Variants in MBD5 observed in about 807,000 individuals in gnomAD.
MBD5 encodes methyl-CpG-binding domain protein 5.
A neutral mutation model predicts 117.3 loss-of-function variants in MBD5; 13 were observed. The ratio of observed to expected loss-of-function variants is 0.11; its 90% CI spans 0.07 to 0.18. The LOEUF is 0.18. MBD5 is among the 10% of genes least tolerant of loss of function. The pLI, the probability that MBD5 is intolerant of heterozygous loss-of-function variation, is 1.00. For synonymous variants in MBD5, 727 were observed against 766.4 expected, an observed-to-expected ratio of 0.95 and a Z score of 0.85; for missense variants, 1,879 against 2,093.8, an observed-to-expected ratio of 0.90 and a Z score of 2.00.
intron 2 of MBD5, among the ~76,000 whole-genome samples, chr2:148,218,541 G>A (rs936294470): frequency 1.3e-5 from 2 of 152,142 alleles, no homozygotes; most frequent in African/African-American, 4.8e-5. Flanking sequence ...GTCATGCATC[G>A]CTTAATGACA....
intron 3 of MBD5, among the ~76,000 whole-genome samples, chr2:148,301,899 T>C (rs925403082): frequency 1.3e-5 from 2 of 152,186 alleles, no homozygotes; most frequent in East Asian, 3.8e-4. Flanking sequence ...TGATCACCAG[T>C]TTCAGGTGTT....
intron 11 of MBD5, among the ~76,000 whole-genome samples, chr2:148,498,599 G>A (rs1306018185): frequency 6.6e-6 from 1 of 152,168 alleles, no homozygotes; most frequent in East Asian, 1.9e-4. Context: ...ACCTCCCAAA[G>A]TGCTGGGATT....
At chr2:148,038,337 A>G (rs1255165910) in intron 1 of MBD5, among the ~76,000 whole-genome samples, 1 of 151,924 alleles carries the variant, frequency 6.6e-6, no homozygotes, top group African/African-American at 2.4e-5. Context: ...AGTTCCATAC[A>G]TCTACAAAAT....
intron 4 of MBD5, among the ~76,000 whole-genome samples, chr2:148,399,035 A>G (rs571610590): frequency 6.6e-6 from 1 of 152,314 alleles, no homozygotes; most frequent in South Asian, 2.1e-4. Flanking sequence ...TACCAGCACC[A>G]TGCTGTTTTG....
At chr2:148,328,514 C>G (rs996098441) in intron 3 of MBD5, among the ~76,000 whole-genome samples, 1 of 152,210 alleles carries the variant, frequency 6.6e-6, no homozygotes, top group African/African-American at 2.4e-5. Flanking sequence ...GTAGGACCCT[C>G]CGACCCAGGT....
intron 4 of MBD5, among the ~76,000 whole-genome samples, chr2:148,361,798 C>A (rs1703542650): frequency 6.6e-6 from 1 of 152,162 alleles, no homozygotes; most frequent in Admixed American, 6.5e-5. Context: ...CGGGTAATTT[C>A]TGTATTTCTA....
chr2:148,510,736 A>G (rs1275145242), intron 13 of MBD5, among the ~76,000 whole-genome samples: 1 of 152,252 alleles, frequency 6.6e-6, no homozygotes, highest in East Asian at 1.9e-4. Flanking sequence ...TTACAAGGTT[A>G]TCTGAATCCC....
chr2:148,239,398 C>T (rs1700161430), intron 3 of MBD5, among the ~76,000 whole-genome samples: 2 of 152,120 alleles, frequency 1.3e-5, no homozygotes, highest in Non-Finnish European at 2.9e-5. Flanking sequence ...TCACAGGATA[C>T]ATACTACATG....
At chr2:148,164,493 T>A (rs1008021801) in intron 1 of MBD5, among the ~76,000 whole-genome samples, 2 of 152,178 alleles carry the variant, frequency 1.3e-5, no homozygotes, top group Non-Finnish European at 2.9e-5. Flanking sequence ...TAGCAACTAG[T>A]ACAGCCACAC....
intron 3 of MBD5, among the ~76,000 whole-genome samples, chr2:148,283,863 A>G (rs552610729): frequency 1.8e-4 from 28 of 152,298 alleles, no homozygotes; most frequent in African/African-American, 6.0e-4. Flanking sequence ...TTTCTTAACT[A>G]TCTTCCTAAC....
intron 2 of MBD5, among the ~76,000 whole-genome samples, chr2:148,227,295 G>A (rs1220057393): frequency 5.3e-5 from 8 of 152,142 alleles, no homozygotes; most frequent in Non-Finnish European, 1.5e-5. Context: ...TTTGTATAAG[G>A]TGTAAGGAAG....
chr2:148,239,084 GTA>G (rs200437984), intron 3 of MBD5, among the ~76,000 whole-genome samples: 2 of 150,562 alleles, frequency 1.3e-5, no homozygotes, highest in South Asian at 2.1e-4. Context: ...GTGGGTGTCT[GTA>G]TATATATATA....
At chr2:148,340,839 C>A (rs1277534765) in intron 3 of MBD5, among the ~76,000 whole-genome samples, 1 of 23,298 alleles carries the variant, frequency 4.3e-5, no homozygotes, top group Non-Finnish European at 1.1e-4. Context: ...ACCACACATA[C>A]ACACACACAC....
intron 4 of MBD5, among the ~76,000 whole-genome samples, chr2:148,390,323 T>C (rs1012557351): frequency 1.3e-5 from 2 of 151,914 alleles, no homozygotes; most frequent in Non-Finnish European, 2.9e-5. Flanking sequence ...ATTATTACAT[T>C]ATAACCTATT....
chr2:148,025,092 T>G (rs1234521394), intron 1 of MBD5: 3 of 152,202 alleles, frequency 2.0e-5, no homozygotes, highest in Non-Finnish European at 4.4e-5. Flanking sequence ...GTCTGGATTT[T>G]GACTGTATGT....
intron 1 of MBD5, among the ~76,000 whole-genome samples, chr2:148,035,036 A>G (rs1048682483): frequency 3.3e-5 from 5 of 152,198 alleles, no homozygotes; most frequent in African/African-American, 9.6e-5. Flanking sequence ...ATGGTAATGC[A>G]TATCTCAGAG....
chr2:148,072,457 T>C (rs575991206), intron 1 of MBD5, among the ~76,000 whole-genome samples: 23 of 152,324 alleles, frequency 1.5e-4, no homozygotes, highest in South Asian at 1.2e-3. Flanking sequence ...AAATTCTCTA[T>C]GTATATAAGT....
chr2:148,046,280 C>A (rs1694532399), intron 1 of MBD5, among the ~76,000 whole-genome samples: 1 of 152,076 alleles, frequency 6.6e-6, no homozygotes, highest in Non-Finnish European at 1.5e-5. Flanking sequence ...CTGCACCCAA[C>A]CTTAATGAAG....
At chr2:148,128,409 T>C (rs952201756) in intron 1 of MBD5, among the ~76,000 whole-genome samples, 1 of 152,214 alleles carries the variant, frequency 6.6e-6, no homozygotes. Context: ...GAACAGGTTG[T>C]AGCATCCTGA....
Sources: gnomAD v4.1 joint callset for allele counts (sites outside exome capture counted in the v4.1 genomes callset) on GRCh38, gnomAD v4.1.1 for gene constraint, MANE v1.5 for transcripts, NCBI Gene and HGNC (gene_info 2026-07-23, HGNC 2026-07-21) for gene names.